XPO6: variants seen among roughly 807,000 people sequenced by gnomAD.
The protein encoded by XPO6 is exportin 6, also known as exportin-6.
A neutral mutation model predicts 130.0 loss-of-function variants in XPO6; 3 were observed. That is an observed-to-expected ratio of 0.02 (90% CI 0.01 to 0.06). XPO6 has a LOEUF of 0.06. XPO6 is among the 10% of genes least tolerant of loss of function. The pLI is 1.00. For synonymous variants in XPO6, 524 were observed against 548.9 expected (o/e 0.95, Z 0.63); for missense variants, 970 against 1,393.0 (o/e 0.70, Z 4.83).
In XPO6 at chr16:28,180,158, G is replaced by A. The variant is rs539113225; in HGVS notation, c.94+783C>T. ...GAGGTGGGCAGATCTCTTGAGGTCA[G>A]TTCAAGACCCACCTGGCTAATACGG... On this transcript the variant is annotated intron_variant, in intron 2 of 23. Coordinates refer to ENST00000304658, the MANE Select transcript of XPO6 (RefSeq NM_015171.4). 2.6e-5 allele frequency among the ~76,000 whole-genome samples: 4 copies of A among 152,276 alleles called. No individual in the cohort carries two copies. In the South Asian group the frequency reaches 8.3e-4, roughly 32 times the overall value.
chr16:28,142,745 A>G (rs1253399737), intron 9 of XPO6, among the ~76,000 whole-genome samples: 1 of 151,854 alleles, frequency 6.6e-6, no homozygotes, highest in African/African-American at 2.4e-5. Flanking sequence ...TAATTTTTGT[A>G]TTTTTTGTAC....
At chr16:28,131,529 G>C (rs577139154) in intron 12 of XPO6, among the ~76,000 whole-genome samples, 1 of 152,300 alleles carries the variant, frequency 6.6e-6, no homozygotes, top group African/African-American at 2.4e-5. Flanking sequence ...TTCAGTTACT[G>C]GTGTTTTCAG....
chr16:28,111,322 T>C (rs1253067233), intron 17 of XPO6: 2 of 152,288 alleles, frequency 1.3e-5, no homozygotes, highest in East Asian at 3.8e-4. Flanking sequence ...TTCTTTAATA[T>C]AAACAAGCAA....
intron 1 of XPO6, among the ~76,000 whole-genome samples, chr16:28,210,715 C>G (rs1256268631): frequency 6.6e-6 from 1 of 152,174 alleles, no homozygotes; most frequent in Non-Finnish European, 1.5e-5. Context: ...GTAGCTTCAG[C>G]AGAGATCAGA....
At chr16:28,129,238 C>A (rs930168417) in intron 12 of XPO6, among the ~76,000 whole-genome samples, 14 of 152,294 alleles carry the variant, frequency 9.2e-5, no homozygotes, top group Admixed American at 2.6e-4. Context: ...AATAAATACC[C>A]CAAATCAAAT....
intron 1 of XPO6, among the ~76,000 whole-genome samples, chr16:28,209,683 G>A (rs2044094128): frequency 6.7e-6 from 1 of 149,016 alleles, no homozygotes; most frequent in African/African-American, 2.5e-5. Context: ...AATAAATGAA[G>A]GAAGGAATGA....
At chr16:28,134,534 T>C (rs1035284368) in intron 10 of XPO6, among the ~76,000 whole-genome samples, 1 of 152,200 alleles carries the variant, frequency 6.6e-6, no homozygotes, top group Non-Finnish European at 1.5e-5. Flanking sequence ...ATGCCCAAGG[T>C]TGCAGAGCTT....
chr16:28,100,007 A>C (rs1229176261), intron 23 of XPO6, among the ~76,000 whole-genome samples: 3 of 150,730 alleles, frequency 2.0e-5, no homozygotes, highest in African/African-American at 7.4e-5. Context: ...TTTTTTTTTG[A>C]GACAAAGTCC....
chr16:28,112,060 C>T (rs2086937596), intron 16 of XPO6, 54 bp from the exon 17 acceptor site: 9 of 1,547,164 alleles, frequency 5.8e-6, no homozygotes, highest in East Asian at 2.4e-5. Flanking sequence ...GACCGTGGTG[C>T]GGCATGCCCA....
chr16:28,178,045 G>A lies in XPO6; in HGVS notation c.95-713C>T, dbSNP rs146535585. ...GAACCCACAAGGCAGCAAGCATTAC[G>A]GGGCTACCATCATGTTTCTGGACAT... On this transcript the variant is annotated intron_variant, in intron 2 of 23. Coordinates refer to ENST00000304658, the MANE Select transcript of XPO6 (RefSeq NM_015171.4). Among the ~76,000 whole-genome samples, 692 of 152,264 alleles carry A rather than the reference G, an allele frequency of 4.5e-3. 6 individuals are homozygous for A. The highest frequency in any genetic ancestry group is 0.016 in the African/African-American group (667 of 41,546).
intron 9 of XPO6, among the ~76,000 whole-genome samples, chr16:28,137,380 T>G (rs1217105768): frequency 6.6e-6 from 1 of 152,236 alleles, no homozygotes; most frequent in African/African-American, 2.4e-5. Context: ...GAAACCTATT[T>G]AATCAATTTC....
chr16:28,154,359 C>T, intron 7 of XPO6: 1 of 859,426 alleles, frequency 1.2e-6, no homozygotes, highest in Non-Finnish European at 1.4e-6. Flanking sequence ...CAAGGCTGTT[C>T]AGTAGCTAAA....
chr16:28,131,100 G>A (rs1322035385), intron 12 of XPO6, among the ~76,000 whole-genome samples: 3 of 152,240 alleles, frequency 2.0e-5, no homozygotes, highest in South Asian at 2.1e-4. Flanking sequence ...CATTAGTGGT[G>A]ACAGCACATT....
chr16:28,189,964 T>TA (rs2043759306), intron 1 of XPO6, among the ~76,000 whole-genome samples: 1 of 152,202 alleles, frequency 6.6e-6, no homozygotes, highest in Admixed American at 6.5e-5. Context: ...TTCCTCTAAT[T>TA]ACTGCTGAGG....
intron 14 of XPO6, 25 bp from the exon 15 acceptor site, chr16:28,117,487 T>C: frequency 6.2e-7 from 1 of 1,608,258 alleles, no homozygotes; most frequent in Non-Finnish European, 8.5e-7. Flanking sequence ...GAAGATGTGA[T>C]TTTAAAGGTT....
Position 28,107,619 on chromosome 16 carries a change from C to G in XPO6, c.2400G>C (p.Ser800=). 1 of 1,614,158 alleles carries G rather than the reference C, an allele frequency of 6.2e-7. No homozygotes were observed. Among genetic ancestry groups the G allele is most frequent in the Non-Finnish European group, 8.5e-7 (1 of 1,180,022 alleles). ...SVLEDIVENI[S]GESTKSRQIC... ...TCTGTCGAGACTTGGTGGACTCCCC[C>G]GAGATATTCTCCACAATATCTTCTA... Residue 800 remains serine (S), a synonymous_variant, in exon 18 of 24, where the codon TCG becomes TCC. Transcript: ENST00000304658.
In XPO6 at chr16:28,117,363, G is replaced by T. The variant is rs1322700633; in HGVS notation, c.1959C>A (p.Leu653=). 6.2e-7 allele frequency: 1 copy of T among 1,614,216 alleles called. No individual in the cohort carries two copies. Among genetic ancestry groups the T allele is most frequent in the Non-Finnish European group, 8.5e-7 (1 of 1,180,040 alleles). Residue 653 remains leucine, a synonymous_variant, in exon 15 of 24, where the codon CTC becomes CTA. Coordinates refer to ENST00000304658, the MANE Select transcript of XPO6 (RefSeq NM_015171.4). ...HRQNTQQFVT[L]ISTTMDAITP... ...TGATTGCATCCATGGTAGTAGAGATGAGTGTCACGAACTGCTGCGTGTTCT... is the reference window on the plus strand; with the variant it reads ...TGATTGCATCCATGGTAGTAGAGATTAGTGTCACGAACTGCTGCGTGTTCT...
rs778981266 is a variant in XPO6 at position 28,132,174 on chromosome 16, A to G, written c.1606+160T>C. 6.6e-6 allele frequency among the ~76,000 whole-genome samples: 1 copy of G among 152,192 alleles called. No individual in the cohort carries two copies. Among genetic ancestry groups the G allele is most frequent in the Non-Finnish European group, 1.5e-5 (1 of 68,026 alleles). ...TACCTCCCCCACAGCTTTTCATCAT[A>G]AGCCTTTAAAAACGTTCCCTGTTTC... On this transcript the variant is annotated intron_variant, in intron 12 of 23. Coordinates refer to ENST00000304658, the MANE Select transcript of XPO6 (RefSeq NM_015171.4). The surrounding 1 kb of genome is among the most constrained non-coding windows in gnomAD (Gnocchi z 4.0).
In XPO6 at chr16:28,169,722, T is replaced by C. The variant is rs201828194; in HGVS notation, c.565+28A>G. 3 of 1,611,068 alleles carry C rather than the reference T, an allele frequency of 1.9e-6. No individual in the cohort carries two copies. The African/African-American group carries it at 4.0e-5, about 21-fold the overall frequency. On this transcript the variant is annotated intron_variant, in intron 5 of 23. Coordinates refer to ENST00000304658, the MANE Select transcript of XPO6 (RefSeq NM_015171.4). ...CTCTGGGTGCCTGCGGGCAGGCCTC[T>C]ATCTCTGGGCACTACCATACTGCTC...
Sources: gnomAD v4.1 joint callset for allele counts (sites outside exome capture counted in the v4.1 genomes callset) on GRCh38, gnomAD v4.1.1 for gene constraint, Gnocchi (gnomAD v3.1) non-coding constraint, MANE v1.5 for transcripts, NCBI Gene and HGNC (gene_info 2026-07-23, HGNC 2026-07-21) for gene names.